Variants in TAFA1 observed in about 807,000 individuals in gnomAD.
TAFA1 encodes TAFA chemokine like family member 1.
In TAFA1, 4 loss-of-function variants were observed where a neutral mutation model predicts 18.5. That is an observed-to-expected ratio of 0.22 (90% confidence interval 0.11 to 0.49). TAFA1 has a LOEUF of 0.49. Among genes scored for constraint, TAFA1 ranks in the 20% least tolerant of loss-of-function variants. TAFA1 has a pLI of 0.98. For missense variants in TAFA1, 147 were observed against 169.0 expected, an observed-to-expected ratio of 0.87 and a Z score of 0.72; for synonymous variants, 56 against 55.2, an observed-to-expected ratio of 1.01 and a Z score of -0.06.
At chr3:68,009,840 A>G (rs1180331696) in intron 2 of TAFA1, among the ~76,000 whole-genome samples, 1 of 152,222 alleles carries the variant, frequency 6.6e-6, no homozygotes, top group Non-Finnish European at 1.5e-5. Context: ...CTCCAGGGAC[A>G]CTAATGAAAT....
chr3:68,262,564 T>C (rs968583019), intron 2 of TAFA1, among the ~76,000 whole-genome samples: 6 of 151,922 alleles, frequency 3.9e-5, no homozygotes, highest in Non-Finnish European at 1.5e-5. Context: ...TTAATTTGCT[T>C]GGAATAATGG....
At chr3:68,329,454 C>T (rs2068829105) in intron 2 of TAFA1, among the ~76,000 whole-genome samples, 1 of 152,040 alleles carries the variant, frequency 6.6e-6, no homozygotes, top group Non-Finnish European at 1.5e-5. Context: ...GCCAGCATAT[C>T]TATTCAGTTC....
At chr3:68,482,354 T>C (rs1325570098) in intron 3 of TAFA1, among the ~76,000 whole-genome samples, 1 of 152,102 alleles carries the variant, frequency 6.6e-6, no homozygotes, top group Non-Finnish European at 1.5e-5. Context: ...TGTATTTGGA[T>C]ATTGTAGACA....
At chr3:68,351,920 T>C (rs2069277535) in intron 2 of TAFA1, among the ~76,000 whole-genome samples, 1 of 151,972 alleles carries the variant, frequency 6.6e-6, no homozygotes, top group Non-Finnish European at 1.5e-5. Context: ...CTTAATGGTC[T>C]TCAGCTCAAC....
At chr3:68,512,037 T>G (rs1217565527) in intron 3 of TAFA1, among the ~76,000 whole-genome samples, 1 of 152,072 alleles carries the variant, frequency 6.6e-6, no homozygotes, top group Non-Finnish European at 1.5e-5. Context: ...ATTATCCCTA[T>G]CTAATAAAAA....
intron 2 of TAFA1, among the ~76,000 whole-genome samples, chr3:68,339,149 G>A (rs531608034): frequency 2.6e-5 from 4 of 152,194 alleles, no homozygotes; most frequent in African/African-American, 9.7e-5. Context: ...TGAGAGCAGG[G>A]TAGGTATGTA....
intron 2 of TAFA1, among the ~76,000 whole-genome samples, chr3:68,063,274 A>T (rs2064629256): frequency 1.3e-5 from 2 of 152,248 alleles, no homozygotes; most frequent in South Asian, 4.1e-4. Context: ...GGGATTACCC[A>T]GGCCCCAGTC....
chr3:68,171,080 G>A (rs763912290), intron 2 of TAFA1, among the ~76,000 whole-genome samples: 29 of 152,286 alleles, frequency 1.9e-4, no homozygotes, highest in South Asian at 6.2e-4. Context: ...ACGTTACATG[G>A]CAAGGAGGAA....
chr3:68,432,495 A>G (rs1294405542), intron 3 of TAFA1, among the ~76,000 whole-genome samples: 4 of 151,976 alleles, frequency 2.6e-5, no homozygotes, highest in Non-Finnish European at 5.9e-5. Context: ...AAATCATGCA[A>G]TTTTGATTGT....
At chr3:68,125,594 A>C (rs2065454615) in intron 2 of TAFA1, among the ~76,000 whole-genome samples, 1 of 152,110 alleles carries the variant, frequency 6.6e-6, no homozygotes, top group South Asian at 2.1e-4. Flanking sequence ...CACGTATGAA[A>C]TCCTAGCATG....
chr3:68,404,953 C>A (rs566568238), intron 2 of TAFA1, among the ~76,000 whole-genome samples: 1 of 152,268 alleles, frequency 6.6e-6, no homozygotes, highest in East Asian at 1.9e-4. Context: ...TTGATCTTTT[C>A]ATCTTCACTT....
At chr3:68,150,802 T>C (rs546093540) in intron 2 of TAFA1, among the ~76,000 whole-genome samples, 164 of 152,252 alleles carry the variant, frequency 1.1e-3, no homozygotes, top group Admixed American at 1.8e-3. Context: ...AAAATTCTCA[T>C]TTTTGCCAGC....
chr3:68,152,188 G>T (rs1250227180), intron 2 of TAFA1, among the ~76,000 whole-genome samples: 1 of 152,082 alleles, frequency 6.6e-6, no homozygotes, highest in Non-Finnish European at 1.5e-5. Flanking sequence ...TTTTGCCACA[G>T]CACTGTTTCT....
chr3:68,250,023 G>T (rs535617403), intron 2 of TAFA1, among the ~76,000 whole-genome samples: 1 of 152,118 alleles, frequency 6.6e-6, no homozygotes, highest in Non-Finnish European at 1.5e-5. Context: ...TCTCCCAAAC[G>T]TATATTGAGA....
chr3:68,320,226 T>G (rs1052346687), intron 2 of TAFA1, among the ~76,000 whole-genome samples: 1 of 152,218 alleles, frequency 6.6e-6, no homozygotes, highest in African/African-American at 2.4e-5. Context: ...TAAAGCAGTT[T>G]GAGAACAAGG....
chr3:68,005,082 C>T (rs1353733886), intron 1 of TAFA1, among the ~76,000 whole-genome samples: 1 of 151,732 alleles, frequency 6.6e-6, no homozygotes, highest in Non-Finnish European at 1.5e-5. Context: ...CTGCAATTCA[C>T]AAGCAGTAAA....
intron 3 of TAFA1, among the ~76,000 whole-genome samples, chr3:68,441,278 T>A (rs2071374545): frequency 6.6e-6 from 1 of 152,170 alleles, no homozygotes; most frequent in Non-Finnish European, 1.5e-5. Context: ...GCTCTGCCAC[T>A]TGGGCTATAT....
At chr3:68,338,054 G>T (rs181624725) in intron 2 of TAFA1, among the ~76,000 whole-genome samples, 4 of 152,156 alleles carry the variant, frequency 2.6e-5, no homozygotes, top group African/African-American at 9.7e-5. Flanking sequence ...AAAGATGTGG[G>T]TATTTGTTTT....
At chr3:68,376,725 T>A (rs963323999) in intron 2 of TAFA1, among the ~76,000 whole-genome samples, 15 of 152,190 alleles carry the variant, frequency 9.9e-5, no homozygotes, top group African/African-American at 3.6e-4. Context: ...TATTTGTGCA[T>A]GTGTCTTTGT....
Sources: gnomAD v4.1 joint callset for allele counts (sites outside exome capture counted in the v4.1 genomes callset) on GRCh38, gnomAD v4.1.1 for gene constraint, MANE v1.5 for transcripts, NCBI Gene and HGNC (gene_info 2026-07-23, HGNC 2026-07-21) for gene names.